Variants in CCDC88A observed in about 807,000 individuals in gnomAD.
CCDC88A encodes the protein coiled-coil and HOOK domain protein 88A, also known as girdin.
CCDC88A carries 54 observed loss-of-function variants against 234.3 expected under a neutral mutation model. That is an observed-to-expected ratio of 0.23 (90% CI 0.19 to 0.29). The LOEUF (loss-of-function observed/expected upper bound fraction) is 0.29, where lower values mean the gene tolerates loss of function less well. CCDC88A is among the 10% of genes least tolerant of loss of function. CCDC88A has a pLI of 1.00. For missense variants in CCDC88A, 1,832 were observed against 2,123.4 expected, an observed-to-expected ratio of 0.86 and a Z score of 2.70; for synonymous variants, 753 against 737.8, an observed-to-expected ratio of 1.02 and a Z score of -0.33.
At chr2:55,367,112 A>C (rs1307772774) in intron 5 of CCDC88A, among the ~76,000 whole-genome samples, 1 of 152,190 alleles carries the variant, frequency 6.6e-6, no homozygotes, top group Non-Finnish European at 1.5e-5. Flanking sequence ...AGCATGAAAA[A>C]ACCTTAAAGA....
At chr2:55,376,318 G>T (rs1002339825) in intron 3 of CCDC88A, among the ~76,000 whole-genome samples, 1 of 152,162 alleles carries the variant, frequency 6.6e-6, no homozygotes, top group African/African-American at 2.4e-5. Flanking sequence ...GATATAACTA[G>T]TTGCTGAGGA....
rs1184000929 is a variant in CCDC88A, at chr2:55,416,446, AT to A, written c.164+2369del. 1.8e-3 allele frequency among the ~76,000 whole-genome samples: 95 copies of A among 51,892 alleles called. 1 individual carries two copies. The highest frequency in any genetic ancestry group is 0.011 in the South Asian group (19 of 1,792). The allele number at this position is 51,892 out of a possible 152,430, so 34.0% of individuals were successfully genotyped here. On this transcript the variant is annotated intron_variant, in intron 2 of 32. Coordinates refer to ENST00000436346, the MANE Select transcript of CCDC88A (RefSeq NM_001365480.1). Reference sequence around the variant, plus strand: ...AGGTCAAATAAATAAATAAATAAATATATATATATATATATATATATATATA... The same window carrying A: ...AGGTCAAATAAATAAATAAATAAATAATATATATATATATATATATATATA...
At position 55,290,213 on chromosome 2, in the gene CCDC88A, G is replaced by GA. The variant is rs533580704; in HGVS notation, c.*986dup. On this transcript the variant is annotated 3_prime_UTR_variant, in exon 33 of 33. Coordinates refer to ENST00000436346, the MANE Select transcript of CCDC88A (RefSeq NM_001365480.1). The stretch of plus-strand genomic sequence containing the variant: ...AACTTTAATGTAATATCATAAAGGA[G>GA]AAAAAAATCATTAATAAATGATAGC... 1.2e-3 allele frequency: 189 copies of GA among 152,362 alleles called. 1 individual carries two copies. Among genetic ancestry groups the GA allele is most frequent in the African/African-American group, 4.3e-3 (179 of 41,448 alleles). The allele number at this position is 152,362 out of a possible 1,614,324, so 9.4% of individuals were successfully genotyped here. A position where few individuals can be genotyped will look rare whatever the true frequency, so the allele number is the denominator to read the frequency against.
chr2:55,372,588 G>C (rs1319273702), intron 4 of CCDC88A, 78 bp from the exon 5 acceptor site: 1 of 718,854 alleles, frequency 1.4e-6, no homozygotes, highest in Non-Finnish European at 2.4e-6. Flanking sequence ...CACTTCTAGA[G>C]GTAATTATGC....
At chr2:55,303,750 T>G (rs1271749441) in intron 25 of CCDC88A, among the ~76,000 whole-genome samples, 1 of 152,126 alleles carries the variant, frequency 6.6e-6, no homozygotes, top group Non-Finnish European at 1.5e-5. Context: ...TTAGAATTAT[T>G]TATGCAGGGA....
intron 31 of CCDC88A, chr2:55,295,048 T>C: frequency 7.9e-7 from 1 of 1,261,518 alleles, no homozygotes; most frequent in Non-Finnish European, 1.0e-6. Context: ...CAATATATTA[T>C]ATTGTGCAGT....
chr2:55,390,719 G>C (rs1226686241), intron 2 of CCDC88A, among the ~76,000 whole-genome samples: 1 of 152,240 alleles, frequency 6.6e-6, no homozygotes, highest in Non-Finnish European at 1.5e-5. Flanking sequence ...CCCAAGTCTT[G>C]CTGAACTTGA....
intron 2 of CCDC88A, among the ~76,000 whole-genome samples, chr2:55,396,995 CAAACT>C (rs1283800540): frequency 6.6e-6 from 1 of 151,378 alleles, no homozygotes; most frequent in African/African-American, 2.4e-5. Flanking sequence ...CATGAGTAAT[CAAACT>C]AAAGATGATT....
intron 22 of CCDC88A, 132 bp downstream of exon 22, chr2:55,315,796 C>G: frequency 2.1e-6 from 1 of 471,776 alleles, no homozygotes; most frequent in East Asian, 3.2e-5. Context: ...TTTCAGTGAT[C>G]CTAGACCAAA....
chr2:55,322,604 T>C lies in CCDC88A; in HGVS notation c.3086A>G (p.Lys1029Arg). ...CGTTTCTTGACTTTCTCGCTCCCATTTGTTGTCTTCACCAGATATTGGAGG... is the reference window on the plus strand; with the variant it reads ...CGTTTCTTGACTTTCTCGCTCCCATCTGTTGTCTTCACCAGATATTGGAGG... ...SSPPISGEDNKWERESQETTR... is the reference protein window; with the variant it reads ...SSPPISGEDNRWERESQETTR... Residue 1029 changes from lysine to arginine, a missense_variant, in exon 18 of 33, where the codon AAA becomes AGA. By Grantham distance (26) the Lys-to-Arg change is conservative. Around this residue, in one of 6 missense-constraint regions of CCDC88A, gnomAD observed 1,282 missense variants for 1,543.6 expected, o/e 0.83. Transcript: ENST00000436346. 1.2e-6 allele frequency: 2 copies of C among 1,608,544 alleles called. No individual in the cohort carries two copies. Among genetic ancestry groups the C allele is most frequent in the African/African-American group, 1.3e-5 (1 of 74,950 alleles).
chr2:55,386,919 A>C (rs1355655728), intron 3 of CCDC88A, among the ~76,000 whole-genome samples: 1 of 151,850 alleles, frequency 6.6e-6, no homozygotes, highest in Non-Finnish European at 1.5e-5. Context: ...TCATGCCTAC[A>C]ATCCTAGCAT....
chr2:55,325,625 T>TA (rs1684164459), intron 17 of CCDC88A, among the ~76,000 whole-genome samples: 1 of 152,202 alleles, frequency 6.6e-6, no homozygotes. Context: ...GGAAAGTGAT[T>TA]AGTCTATAGG....
chr2:55,332,911 A>G lies in CCDC88A; in HGVS notation c.2728-218T>C, dbSNP rs1685085841. Among the ~76,000 whole-genome samples, 1 of 152,354 alleles carries G rather than the reference A, an allele frequency of 6.6e-6. No homozygotes were observed. The highest frequency in any genetic ancestry group is 1.9e-4 in the East Asian group (1 of 5,194). On this transcript the variant is annotated intron_variant, in intron 15 of 32. Coordinates refer to ENST00000436346, the MANE Select transcript of CCDC88A (RefSeq NM_001365480.1). This position sits in a 1 kb window ranked among gnomAD's most constrained non-coding sequence, Gnocchi z 4.5. ...TTGCTAATACTTTAAACAAAACCTT[A>G]AAAGGGAGTAGTAACTCTTTACTTG...
chr2:55,419,762 C>T lies in CCDC88A; in HGVS notation c.-683G>A, dbSNP rs543512711. On this transcript the variant is annotated 5_prime_UTR_variant, in exon 1 of 33. Coordinates refer to ENST00000436346, the MANE Select transcript of CCDC88A (RefSeq NM_001365480.1). Reference sequence around the variant, plus strand: ...TCCCTAACCCCCCAGCTTCCTAAGCCCTGCCAGCCTTTCAGCGCGTCTCTG... The same window carrying T: ...TCCCTAACCCCCCAGCTTCCTAAGCTCTGCCAGCCTTTCAGCGCGTCTCTG... 3.4e-4 allele frequency: 52 copies of T among 152,518 alleles called. No individual in the cohort carries two copies. Among genetic ancestry groups the T allele is most frequent in the African/African-American group, 1.1e-3 (47 of 41,528 alleles). The allele number at this position is 152,518 out of a possible 1,614,324, so 9.4% of individuals were successfully genotyped here. A position where few individuals can be genotyped will look rare whatever the true frequency, so the allele number is the denominator to read the frequency against.
At chr2:55,395,322 A>G (rs1677344090) in intron 2 of CCDC88A, among the ~76,000 whole-genome samples, 1 of 152,184 alleles carries the variant, frequency 6.6e-6, no homozygotes, top group Non-Finnish European at 1.5e-5. Flanking sequence ...ATCCTTCTCC[A>G]TTAATATGTT....
At chr2:55,310,749 C>T (rs776536167) in intron 23 of CCDC88A, among the ~76,000 whole-genome samples, 22 of 152,188 alleles carry the variant, frequency 1.4e-4, no homozygotes, top group African/African-American at 5.1e-4. Context: ...ACAGTACAAA[C>T]AGCATACAGC....
intron 9 of CCDC88A, chr2:55,349,242 A>G (rs1669566721): frequency 2.8e-6 from 1 of 354,456 alleles, no homozygotes; most frequent in South Asian, 5.2e-5. Flanking sequence ...CCAAGGCCAC[A>G]GAAGCCAAAC....
At chr2:55,409,373 T>C (rs1183801830) in intron 2 of CCDC88A, among the ~76,000 whole-genome samples, 2 of 152,186 alleles carry the variant, frequency 1.3e-5, no homozygotes, top group African/African-American at 4.8e-5. Context: ...CATCATCTCC[T>C]CCAAGAAGCC....
intron 29 of CCDC88A, among the ~76,000 whole-genome samples, chr2:55,298,371 G>C (rs930562920): frequency 2.0e-5 from 3 of 151,744 alleles, no homozygotes; most frequent in African/African-American, 7.3e-5. Context: ...TTCTTTTAAG[G>C]CTAGTCAAAT....
Sources: gnomAD v4.1 joint callset for allele counts (sites outside exome capture counted in the v4.1 genomes callset) on GRCh38, gnomAD v4.1.1 for gene constraint, gnomAD v4.1.1 regional missense constraint, Gnocchi (gnomAD v3.1) non-coding constraint, MANE v1.5 for transcripts, NCBI Gene and HGNC (gene_info 2026-07-23, HGNC 2026-07-21) for gene names.